CPA6: variants seen among roughly 807,000 people sequenced by gnomAD.
CPA6 encodes the protein carboxypeptidase A6.
A neutral mutation model predicts 63.3 loss-of-function variants in CPA6; 58 were observed. The ratio of observed to expected loss-of-function variants is 0.92; its 90% CI spans 0.74 to 1.14. CPA6 has a LOEUF of 1.14. Among genes scored for constraint, CPA6 ranks in the 50% most tolerant of loss-of-function variants. CPA6 has a pLI of 0.00. For missense variants in CPA6, 565 were observed against 526.6 expected, an observed-to-expected ratio of 1.07 and a Z score of -0.71; for synonymous variants, 185 against 179.0, an observed-to-expected ratio of 1.03 and a Z score of -0.27.
intron 8 of CPA6, among the ~76,000 whole-genome samples, chr8:67,472,422 T>TTTATCTTATC (rs1811084665): frequency 6.8e-6 from 1 of 146,958 alleles, no homozygotes; most frequent in African/African-American, 2.6e-5. Context: ...CTTATTTTAT[T>TTTATCTTATC]TTATTTTATT....
At chr8:67,646,149 A>T (rs655505) in intron 1 of CPA6, among the ~76,000 whole-genome samples, 42,063 of 152,146 alleles carry the variant, frequency 0.28, 5,983 homozygotes, top group African/African-American at 0.34. Flanking sequence ...CAGGTGACAA[A>T]CACCATGAGA....
chr8:67,453,029 T>C (rs111497233), intron 8 of CPA6, among the ~76,000 whole-genome samples: 55 of 152,326 alleles, frequency 3.6e-4, no homozygotes, highest in African/African-American at 1.3e-3. Context: ...GGGGAGCCAC[T>C]GCAGCATTTT....
At chr8:67,623,559 G>A (rs1005185857) in intron 2 of CPA6, among the ~76,000 whole-genome samples, 1 of 152,052 alleles carries the variant, frequency 6.6e-6, no homozygotes, top group African/African-American at 2.4e-5. Context: ...AGCCTCTCTA[G>A]TAGCTGGGAC....
intron 6 of CPA6, among the ~76,000 whole-genome samples, chr8:67,503,960 G>A (rs1458451873): frequency 6.8e-6 from 1 of 147,696 alleles, no homozygotes. Context: ...GTGTCCATGT[G>A]TTCTCATTGT....
At chr8:67,567,422 T>C (rs1813366123) in intron 2 of CPA6, among the ~76,000 whole-genome samples, 1 of 152,240 alleles carries the variant, frequency 6.6e-6, no homozygotes, top group Non-Finnish European at 1.5e-5. Flanking sequence ...AATCATTGAC[T>C]TACCAATGAA....
chr8:67,579,673 C>T (rs933018455), intron 2 of CPA6, among the ~76,000 whole-genome samples: 2 of 152,206 alleles, frequency 1.3e-5, no homozygotes, highest in African/African-American at 4.8e-5. Context: ...AGCAAACTGA[C>T]CTGCCATATC....
At chr8:67,607,216 CTTCTTCTTCTTCTTCTTCTTCTTCTTCTT>C (rs1814679072) in intron 2 of CPA6, among the ~76,000 whole-genome samples, 8 of 105,660 alleles carry the variant, frequency 7.6e-5, no homozygotes, top group African/African-American at 2.3e-4. Flanking sequence ...TCTTCTTCTT[CTTCTTCTTCTTCTTCTTCTTCTTCTTCTT>C]CTTCTTCTCC....
chr8:67,615,337 A>G lies in CPA6; in HGVS notation c.192+8839T>C, dbSNP rs1389681435. The stretch of plus-strand genomic sequence containing the variant: ...ATAGAAAACCTCTCAGTCACCAAGA[A>G]GTGCCATCCTTGCCCCTTGAAAAAG... On this transcript the variant is annotated intron_variant, in intron 2 of 10. Coordinates refer to ENST00000297770, the MANE Select transcript of CPA6 (RefSeq NM_020361.5). 2.6e-5 allele frequency among the ~76,000 whole-genome samples: 4 copies of G among 152,226 alleles called. No individual in the cohort carries two copies. In the East Asian group the frequency reaches 5.8e-4, roughly 22 times the overall value.
chr8:67,422,417 G>GC lies in CPA6; in HGVS notation c.*86dup. 2 of 1,153,244 alleles carry GC rather than the reference G, an allele frequency of 1.7e-6. No homozygotes were observed. The highest frequency in any genetic ancestry group is 2.5e-6 in the Non-Finnish European group (2 of 797,030). 71.4% of individuals were successfully genotyped at this position (1,153,244 alleles called of 1,614,324 possible). A position where few individuals can be genotyped will look rare whatever the true frequency, so the allele number is the denominator to read the frequency against. ...ATAGACATGTTCACTCTAAGCAGCT[G>GC]CCCTTCTCTTTGAAAACAATTTCTA... On this transcript the variant is annotated 3_prime_UTR_variant, in exon 11 of 11. Coordinates refer to ENST00000297770, the MANE Select transcript of CPA6 (RefSeq NM_020361.5).
At chr8:67,589,392 C>A (rs757378067) in intron 2 of CPA6, among the ~76,000 whole-genome samples, 2 of 152,010 alleles carry the variant, frequency 1.3e-5, no homozygotes, top group African/African-American at 2.4e-5. Context: ...ATTGCCTATG[C>A]GATGGAGAAG....
intron 1 of CPA6, among the ~76,000 whole-genome samples, chr8:67,736,546 G>C (rs190408000): frequency 6.6e-5 from 10 of 152,182 alleles, no homozygotes; most frequent in Non-Finnish European, 1.2e-4. Flanking sequence ...TCCTTTAACT[G>C]ACATCTCCTG....
At chr8:67,745,047 T>G (rs1337641696) in intron 1 of CPA6, among the ~76,000 whole-genome samples, 2 of 152,218 alleles carry the variant, frequency 1.3e-5, no homozygotes, top group Admixed American at 1.3e-4. Context: ...TTTACACTAT[T>G]TCTAAAAAGA....
intron 8 of CPA6, among the ~76,000 whole-genome samples, chr8:67,452,935 G>C (rs373151626): frequency 1.2e-4 from 19 of 152,282 alleles, no homozygotes; most frequent in African/African-American, 4.3e-4. Flanking sequence ...GGGGAATGAG[G>C]ATAGAAATAG....
chr8:67,678,597 G>T (rs1168579864), intron 1 of CPA6, among the ~76,000 whole-genome samples: 1 of 152,174 alleles, frequency 6.6e-6, no homozygotes, highest in Non-Finnish European at 1.5e-5. Flanking sequence ...TCAGAGGAAA[G>T]GCTCAAATGA....
chr8:67,728,845 T>G (rs1446467225), intron 1 of CPA6, among the ~76,000 whole-genome samples: 4 of 152,202 alleles, frequency 2.6e-5, no homozygotes, highest in Admixed American at 6.5e-5. Context: ...AGGCTGAGGA[T>G]GGAGCTGGTG....
At chr8:67,661,481 G>A (rs1000486686) in intron 1 of CPA6, among the ~76,000 whole-genome samples, 3 of 152,220 alleles carry the variant, frequency 2.0e-5, no homozygotes, top group African/African-American at 7.2e-5. Context: ...CAGGCAGCAG[G>A]AAGCATCTTG....
chr8:67,607,633 C>A (rs1386518452), intron 2 of CPA6, among the ~76,000 whole-genome samples: 1 of 152,092 alleles, frequency 6.6e-6, no homozygotes, highest in Non-Finnish European at 1.5e-5. Flanking sequence ...CACTAACATC[C>A]CAGGTATTTC....
In CPA6 at chr8:67,742,236, G is replaced by A. The variant is rs905857614; in HGVS notation, c.116+3778C>T. 9.2e-5 allele frequency among the ~76,000 whole-genome samples: 14 copies of A among 151,706 alleles called. No homozygotes were observed. The East Asian group carries it at 2.5e-3, about 27-fold the overall frequency. On this transcript the variant is annotated intron_variant, in intron 1 of 10. Coordinates refer to ENST00000297770, the MANE Select transcript of CPA6 (RefSeq NM_020361.5). ...GCTTTTCTAATAATGATTCATTATC[G>A]GTGACTCATCATCACCCTAGAGAAG... is the stretch of plus-strand genomic sequence containing the variant.
At chr8:67,493,021 G>A (rs538417270) in intron 6 of CPA6, among the ~76,000 whole-genome samples, 1 of 152,236 alleles carries the variant, frequency 6.6e-6, no homozygotes, top group South Asian at 2.1e-4. Flanking sequence ...CAGAATGGCA[G>A]TGAACCAAAG....
Sources: allele counts gnomAD v4.1 joint callset (sites outside exome capture counted in the v4.1 genomes callset), GRCh38; gene constraint gnomAD v4.1.1; transcripts MANE v1.5; gene names NCBI Gene and HGNC (gene_info 2026-07-23, HGNC 2026-07-21).